SPAG16: variants seen among roughly 807,000 people sequenced by gnomAD.
The protein encoded by SPAG16 is sperm-associated antigen 16 protein.
In SPAG16, 86 loss-of-function variants were observed where a neutral mutation model predicts 80.4. That is an observed-to-expected ratio of 1.07 (90% CI 0.90 to 1.28). SPAG16 has a LOEUF of 1.28. Ranked by LOEUF, SPAG16 falls within the 50% of genes most tolerant of loss-of-function variation. SPAG16 has a pLI of 0.00. For missense variants in SPAG16, 870 were observed against 765.3 expected, an observed-to-expected ratio of 1.14 and a Z score of -1.61; for synonymous variants, 294 against 265.9, an observed-to-expected ratio of 1.11 and a Z score of -1.03.
chr2:214,159,262 G>A (rs1309344430), intron 15 of SPAG16, among the ~76,000 whole-genome samples: 1 of 151,768 alleles, frequency 6.6e-6, no homozygotes, highest in African/African-American at 2.4e-5. Flanking sequence ...TTTTCCTAAG[G>A]AGCAGTTATT....
intron 15 of SPAG16, among the ~76,000 whole-genome samples, chr2:214,343,447 G>A (rs1261966225): frequency 1.3e-5 from 2 of 151,942 alleles, no homozygotes; most frequent in Non-Finnish European, 2.9e-5. Flanking sequence ...ATTGTATTTG[G>A]TCATAGGAAC....
At chr2:214,315,994 A>T (rs1463364800) in intron 15 of SPAG16, among the ~76,000 whole-genome samples, 1 of 152,222 alleles carries the variant, frequency 6.6e-6, no homozygotes, top group Non-Finnish European at 1.5e-5. Context: ...ATATGCTGTC[A>T]TTGATCTGCC....
intron 13 of SPAG16, among the ~76,000 whole-genome samples, chr2:214,069,215 G>C (rs916350823): frequency 6.6e-6 from 1 of 152,230 alleles, no homozygotes; most frequent in African/African-American, 2.4e-5. Context: ...TAATCATTCC[G>C]ATACGTGTAT....
At chr2:214,013,859 T>C (rs1176292799) in intron 12 of SPAG16, 92 bp from the exon 13 acceptor site, 5 of 1,312,936 alleles carry the variant, frequency 3.8e-6, no homozygotes, top group Non-Finnish European at 5.1e-6. Context: ...AATAAAATTA[T>C]TTCATGCCTC....
At chr2:213,476,363 C>A (rs1377673575) in intron 9 of SPAG16, among the ~76,000 whole-genome samples, 1 of 152,164 alleles carries the variant, frequency 6.6e-6, no homozygotes, top group Admixed American at 6.5e-5. Flanking sequence ...TCTGATCCCA[C>A]ATGACAGCTA....
intron 10 of SPAG16, among the ~76,000 whole-genome samples, chr2:213,503,460 C>T (rs1179265265): frequency 2.6e-5 from 4 of 152,182 alleles, no homozygotes; most frequent in Admixed American, 2.0e-4. Context: ...AGCAACAGCC[C>T]CATTGCTCCT....
Position 213,581,074 on chromosome 2 carries a change from C to A in SPAG16, c.1070+90984C>A, listed in dbSNP as rs1192258184. 2.0e-5 allele frequency among the ~76,000 whole-genome samples: 3 copies of A among 152,020 alleles called. No homozygotes were observed. In the East Asian group the frequency reaches 5.8e-4, roughly 29 times the overall value. ...TAGTACCCAGTCTTACAAGTTAAAA[C>A]CCAGAGACACAGAGAGTTTAATAAT... On this transcript the variant is annotated intron_variant, in intron 10 of 15. Transcript: ENST00000331683.
intron 10 of SPAG16, among the ~76,000 whole-genome samples, chr2:213,540,214 T>A (rs7420175): frequency 4.7e-5 from 6 of 127,736 alleles, no homozygotes; most frequent in South Asian, 2.4e-4. Flanking sequence ...TTTATTTTTT[T>A]ATTTTTTTTG....
intron 12 of SPAG16, among the ~76,000 whole-genome samples, chr2:213,995,429 G>A (rs1204647847): frequency 6.6e-6 from 1 of 152,178 alleles, no homozygotes; most frequent in African/African-American, 2.4e-5. Flanking sequence ...GCCATGAATA[G>A]CATATATGGA....
chr2:214,315,120 G>A (rs1695587540), intron 15 of SPAG16, among the ~76,000 whole-genome samples: 1 of 152,086 alleles, frequency 6.6e-6, no homozygotes, highest in Non-Finnish European at 1.5e-5. Flanking sequence ...ACAGCTAACT[G>A]AGGCAAGCAT....
chr2:213,987,145 C>T (rs1302447639), intron 12 of SPAG16, among the ~76,000 whole-genome samples: 2 of 152,026 alleles, frequency 1.3e-5, no homozygotes, highest in Admixed American at 6.6e-5. Flanking sequence ...TTCACATACT[C>T]ATCAGCTATT....
At chr2:213,583,670 T>C (rs2060368970) in intron 10 of SPAG16, among the ~76,000 whole-genome samples, 1 of 152,156 alleles carries the variant, frequency 6.6e-6, no homozygotes, top group Non-Finnish European at 1.5e-5. Context: ...TAACTAACTG[T>C]TTAAACATCT....
chr2:214,008,209 T>C (rs1324190071), intron 12 of SPAG16, among the ~76,000 whole-genome samples: 2 of 152,168 alleles, frequency 1.3e-5, no homozygotes, highest in Admixed American at 1.3e-4. Context: ...CATTCTTACA[T>C]AGACCTCTTT....
At chr2:213,922,041 T>C (rs1376206776) in intron 11 of SPAG16, among the ~76,000 whole-genome samples, 1 of 152,216 alleles carries the variant, frequency 6.6e-6, no homozygotes, top group Non-Finnish European at 1.5e-5. Context: ...AGGAGTTATA[T>C]GCATTTCATG....
At chr2:214,180,554 G>A (rs957753219) in intron 15 of SPAG16, among the ~76,000 whole-genome samples, 5 of 151,004 alleles carry the variant, frequency 3.3e-5, no homozygotes, top group South Asian at 2.1e-4. Flanking sequence ...CTTTTTCTTT[G>A]TAGTCAGTAT....
At chr2:213,448,380 T>G (rs940416689) in intron 9 of SPAG16, among the ~76,000 whole-genome samples, 8 of 152,238 alleles carry the variant, frequency 5.3e-5, no homozygotes, top group Non-Finnish European at 1.0e-4. Flanking sequence ...TTATCCATTG[T>G]GCCTGGAGCT....
intron 12 of SPAG16, among the ~76,000 whole-genome samples, chr2:213,981,519 T>C (rs1435994089): frequency 6.6e-6 from 1 of 152,122 alleles, no homozygotes; most frequent in East Asian, 1.9e-4. Flanking sequence ...TTTAGAAATA[T>C]GTATTTCCTG....
chr2:214,148,014 T>C (rs987373594), intron 14 of SPAG16, among the ~76,000 whole-genome samples: 1 of 151,996 alleles, frequency 6.6e-6, no homozygotes, highest in South Asian at 2.1e-4. Flanking sequence ...AGGGAGAAAA[T>C]GAGAGGATAG....
At chr2:214,014,408 A>G (rs915886660) in intron 13 of SPAG16, among the ~76,000 whole-genome samples, 1 of 152,246 alleles carries the variant, frequency 6.6e-6, no homozygotes, top group Non-Finnish European at 1.5e-5. Flanking sequence ...GTAAAGGAAG[A>G]GAAACGAGAG....
Sources: gnomAD v4.1 joint callset for allele counts (sites outside exome capture counted in the v4.1 genomes callset) on GRCh38, gnomAD v4.1.1 for gene constraint, MANE v1.5 for transcripts, NCBI Gene and HGNC (gene_info 2026-07-23, HGNC 2026-07-21) for gene names.